Variants in RHOBTB3 observed in about 807,000 individuals in gnomAD.
RHOBTB3 encodes Rho related BTB domain containing 3.
A neutral mutation model predicts 67.2 loss-of-function variants in RHOBTB3; 47 were observed. The observed-to-expected ratio is 0.70, with a 90% CI of 0.55 to 0.89. The LOEUF (loss-of-function observed/expected upper bound fraction) is 0.89, where lower values mean the gene tolerates loss of function less well. Ranked by LOEUF, RHOBTB3 falls within the 40% of genes least tolerant of loss-of-function variation. The probability of loss-of-function intolerance (pLI) is 0.00; values close to 1 mark genes in which losing one functional copy is unlikely to be tolerated. For missense variants in RHOBTB3, 631 were observed against 750.0 expected, an observed-to-expected ratio of 0.84 and a Z score of 1.85; for synonymous variants, 273 against 274.2, an observed-to-expected ratio of 1.00 and a Z score of 0.04.
intron 3 of RHOBTB3, among the ~76,000 whole-genome samples, chr5:95,743,106 T>C (rs573551424): frequency 3.9e-5 from 6 of 152,172 alleles, no homozygotes; most frequent in Admixed American, 6.5e-5. Flanking sequence ...TAAAAAAAAC[T>C]CTCAGGATAA....
intron 8 of RHOBTB3, among the ~76,000 whole-genome samples, chr5:95,778,480 CTG>C (rs1745956650): frequency 6.6e-6 from 1 of 151,406 alleles, no homozygotes; most frequent in Non-Finnish European, 1.5e-5. Context: ...GGAGAGCTAA[CTG>C]TACTGAGTGT....
chr5:95,747,988 A>G (rs1439336352), intron 3 of RHOBTB3, among the ~76,000 whole-genome samples: 2 of 152,212 alleles, frequency 1.3e-5, no homozygotes, highest in African/African-American at 4.8e-5. Flanking sequence ...AAGTTGTTAC[A>G]TTTATCTTCT....
intron 4 of RHOBTB3, among the ~76,000 whole-genome samples, chr5:95,751,753 A>G (rs1006011079): frequency 1.3e-5 from 2 of 152,068 alleles, no homozygotes; most frequent in South Asian, 2.1e-4. Flanking sequence ...TATGTACTCA[A>G]TGTTTAGCTC....
upstream of RHOBTB3, chr5:95,731,203 G>A: frequency 1.0e-6 from 1 of 1,002,954 alleles, no homozygotes. Flanking sequence ...GGGCCTCCGC[G>A]GGGAGCGCGT....
chr5:95,766,801 C>G (rs767693540), intron 7 of RHOBTB3, among the ~76,000 whole-genome samples: 1 of 152,044 alleles, frequency 6.6e-6, no homozygotes, highest in Non-Finnish European at 1.5e-5. Flanking sequence ...ACAGGACAGA[C>G]GAGTTATCAA....
intron 8 of RHOBTB3, among the ~76,000 whole-genome samples, chr5:95,776,563 C>T (rs1351646069): frequency 6.6e-6 from 1 of 151,864 alleles, no homozygotes; most frequent in East Asian, 1.9e-4. Context: ...TGAATATTAA[C>T]CTCATGAGCG....
intron 8 of RHOBTB3, among the ~76,000 whole-genome samples, chr5:95,778,198 G>T (rs1252688075): frequency 6.6e-6 from 1 of 151,716 alleles, no homozygotes; most frequent in Non-Finnish European, 1.5e-5. Flanking sequence ...ACCCAGATCC[G>T]CTACGCTCAA....
At chr5:95,783,701 T>C (rs1746135129) in intron 9 of RHOBTB3, 96 bp from the exon 10 acceptor site, 1 of 1,049,840 alleles carries the variant, frequency 9.5e-7, no homozygotes, top group Non-Finnish European at 1.4e-6. Context: ...GGTCAGCATG[T>C]TTTTTTAATT....
chr5:95,738,546 T>A (rs1755513416), intron 3 of RHOBTB3, among the ~76,000 whole-genome samples: 1 of 151,948 alleles, frequency 6.6e-6, no homozygotes, highest in African/African-American at 2.4e-5. Context: ...ATCATGGGAG[T>A]GGGCTCCTGA....
chr5:95,726,791 G>T (rs1175547517), upstream of RHOBTB3, among the ~76,000 whole-genome samples: 1 of 152,140 alleles, frequency 6.6e-6, no homozygotes, highest in Non-Finnish European at 1.5e-5. Context: ...ACTGCAACAT[G>T]TGGCAATATA....
At position 95,793,211 on chromosome 5, in the gene RHOBTB3, T is replaced by C. The variant is rs1312213689; in HGVS notation, c.*37T>C. Reference sequence around the variant, plus strand: ...TATACACTACATTTCTTTTTTATTATTATGAAGAATGGGATACCTCCAGGT... The same window carrying C: ...TATACACTACATTTCTTTTTTATTACTATGAAGAATGGGATACCTCCAGGT... On this transcript the variant is annotated 3_prime_UTR_variant, in exon 12 of 12. Transcript: ENST00000379982. 3.0e-6 allele frequency: 4 copies of C among 1,342,770 alleles called. No individual in the cohort carries two copies. Among genetic ancestry groups the C allele is most frequent in the Middle Eastern group, 1.8e-4 (1 of 5,494 alleles). 83.2% of individuals were successfully genotyped at this position (1,342,770 alleles called of 1,614,324 possible).
At chr5:95,753,232 GATGTGT>G in intron 5 of RHOBTB3, among the ~76,000 whole-genome samples, 1 of 97,584 alleles carries the variant, frequency 1.0e-5, no homozygotes, top group South Asian at 3.5e-4. Flanking sequence ...TTGATGTGTG[GATGTGT>G]GTGTGTGTGT....
Position 95,755,382 on chromosome 5 carries a change from C to A in RHOBTB3, c.683-14C>A, listed in dbSNP as rs1232708378. On this transcript the variant is annotated splice_polypyrimidine_tract_variant and intron_variant, in intron 5 of 11. Transcript: ENST00000379982. ...GAAAGGAGTTTATTATTTTTATTTT[C>A]TTTTTCAAAACAGAAAAAATGCCTG... is the stretch of plus-strand genomic sequence containing the variant. 4 of 1,474,658 alleles carry A rather than the reference C, an allele frequency of 2.7e-6. No individual in the cohort carries two copies. In the African/African-American group the frequency reaches 4.2e-5, roughly 16 times the overall value. 91.3% of individuals were successfully genotyped at this position (1,474,658 alleles called of 1,614,324 possible). A position where few individuals can be genotyped will look rare whatever the true frequency, so the allele number is the denominator to read the frequency against.
intron 4 of RHOBTB3, among the ~76,000 whole-genome samples, chr5:95,749,601 A>G (rs772085116): frequency 3.3e-5 from 5 of 152,210 alleles, no homozygotes; most frequent in African/African-American, 4.8e-5. Context: ...GAGAAATTTA[A>G]TCTTCCTTTC....
rs538698628 is a variant in RHOBTB3 at position 95,721,536 on chromosome 5, T to C, written n.133+3771T>C. On this transcript the variant is annotated intron_variant and non_coding_transcript_variant, in intron 1 of 5. Transcript: ENST00000504949. The stretch of plus-strand genomic sequence containing the variant: ...AGCCAGGGGAAAGAAACTAGTAGTA[T>C]AGCTGGAAAGATGGTAATGATTACA... Among the ~76,000 whole-genome samples the C allele has an allele frequency of 6.6e-5, 10 of 152,212 alleles. 1 individual carries two copies. The South Asian group carries it at 1.9e-3, about 28-fold the overall frequency.
At chr5:95,731,286 C>A (rs1755231290), upstream of RHOBTB3, 1 of 1,025,396 alleles carries the variant, frequency 9.8e-7, no homozygotes, top group South Asian at 4.4e-5. Flanking sequence ...AGGCCCCGAT[C>A]TCCCCGACCC....
chr5:95,770,027 C>T, intron 8 of RHOBTB3: 1 of 372,632 alleles, frequency 2.7e-6, no homozygotes, highest in Non-Finnish European at 5.4e-6. Context: ...GGGTAGGCCT[C>T]ATAACACAGG....
chr5:95,755,952 G>A, intron 6 of RHOBTB3, 191 bp downstream of exon 6: 1 of 541,436 alleles, frequency 1.8e-6, no homozygotes, highest in East Asian at 3.1e-5. Flanking sequence ...CCTTACAAAT[G>A]TACTTGCCTC....
intron 3 of RHOBTB3, among the ~76,000 whole-genome samples, chr5:95,739,514 C>T (rs1330825346): frequency 6.6e-6 from 1 of 152,188 alleles, no homozygotes; most frequent in Non-Finnish European, 1.5e-5. Context: ...CAACAAATTA[C>T]AACTAAAAAG....
Sources: allele counts gnomAD v4.1 joint callset (sites outside exome capture counted in the v4.1 genomes callset), GRCh38; gene constraint gnomAD v4.1.1; transcripts MANE v1.5; gene names NCBI Gene and HGNC (gene_info 2026-07-23, HGNC 2026-07-21).